SPOCK3: variants seen among roughly 807,000 people sequenced by gnomAD.
The protein encoded by SPOCK3 is SPARC (osteonectin), cwcv and kazal like domains proteoglycan 3, also known as testican-3.
In SPOCK3, 30 loss-of-function variants were observed where a neutral mutation model predicts 56.6. The observed-to-expected ratio is 0.53, with a 90% CI of 0.40 to 0.72. The LOEUF (loss-of-function observed/expected upper bound fraction) is 0.72, where lower values mean the gene tolerates loss of function less well. Ranked by LOEUF, SPOCK3 falls within the 30% of genes least tolerant of loss-of-function variation. The pLI is 0.00. For missense variants in SPOCK3, 527 were observed against 530.0 expected (o/e 0.99, Z 0.06); for synonymous variants, 196 against 183.3 (o/e 1.07, Z -0.56).
chr4:166,990,383 A>G (rs529594212), intron 4 of SPOCK3, among the ~76,000 whole-genome samples: 1 of 120,934 alleles, frequency 8.3e-6, no homozygotes, highest in East Asian at 2.8e-4. Flanking sequence ...TAAAACTTAA[A>G]GTATAATAAA....
At chr4:167,083,365 TA>T in intron 2 of SPOCK3, 2 of 759,374 alleles carry the variant, frequency 2.6e-6, no homozygotes, top group Admixed American at 3.4e-5. Context: ...CTGCAGTGAA[TA>T]ACGAATTCAA....
chr4:166,803,756 A>C (rs1057499122), intron 6 of SPOCK3, among the ~76,000 whole-genome samples: 1 of 152,200 alleles, frequency 6.6e-6, no homozygotes, highest in Non-Finnish European at 1.5e-5. Flanking sequence ...ATGACATTTA[A>C]TAATGCAACC....
intron 6 of SPOCK3, among the ~76,000 whole-genome samples, chr4:166,830,524 C>G (rs1460590812): frequency 6.6e-6 from 1 of 152,148 alleles, no homozygotes; most frequent in Non-Finnish European, 1.5e-5. Flanking sequence ...GCAAGAGGAT[C>G]TCTTGAGGCC....
intron 6 of SPOCK3, among the ~76,000 whole-genome samples, chr4:166,845,729 A>T (rs1030019174): frequency 1.3e-5 from 2 of 152,158 alleles, no homozygotes; most frequent in African/African-American, 4.8e-5. Context: ...TTTTCCCACC[A>T]AGTTATTAAC....
At chr4:167,099,432 T>C (rs1237494240) in intron 2 of SPOCK3, among the ~76,000 whole-genome samples, 1 of 151,978 alleles carries the variant, frequency 6.6e-6, no homozygotes, top group African/African-American at 2.4e-5. Flanking sequence ...TCTTTTCTTG[T>C]TGAAAATTAG....
At chr4:166,829,200 A>G (rs1179699743) in intron 6 of SPOCK3, among the ~76,000 whole-genome samples, 2 of 152,052 alleles carry the variant, frequency 1.3e-5, no homozygotes, top group Non-Finnish European at 2.9e-5. Context: ...TACATAACAT[A>G]TCAGATTAAC....
chr4:167,222,224 A>G (rs1381516710), intron 2 of SPOCK3, among the ~76,000 whole-genome samples: 1 of 152,046 alleles, frequency 6.6e-6, no homozygotes, highest in East Asian at 1.9e-4. Context: ...CTGTTGTTCC[A>G]CCTATATATC....
intron 2 of SPOCK3, among the ~76,000 whole-genome samples, chr4:167,158,721 T>A (rs1765027399): frequency 6.6e-6 from 1 of 151,932 alleles, no homozygotes; most frequent in Non-Finnish European, 1.5e-5. Context: ...GTAGGAGAAA[T>A]AAAATGGGTA....
At chr4:166,750,354 C>A (rs536070953) in intron 8 of SPOCK3, among the ~76,000 whole-genome samples, 1 of 151,976 alleles carries the variant, frequency 6.6e-6, no homozygotes, top group Admixed American at 6.6e-5. Context: ...AGGGTAAGGA[C>A]TAATAGGTCA....
At chr4:166,769,471 G>C (rs531450499) in intron 7 of SPOCK3, among the ~76,000 whole-genome samples, 1 of 152,310 alleles carries the variant, frequency 6.6e-6, no homozygotes, top group South Asian at 2.1e-4. Flanking sequence ...CTGTTTGCCT[G>C]GGTATCAGCA....
intron 3 of SPOCK3, among the ~76,000 whole-genome samples, chr4:167,015,556 G>A (rs1750533898): frequency 6.6e-6 from 1 of 152,124 alleles, no homozygotes; most frequent in African/African-American, 2.4e-5. Context: ...TTTTAGCTAA[G>A]CAAGGTTAAC....
intron 2 of SPOCK3, among the ~76,000 whole-genome samples, chr4:167,151,426 CT>C (rs1181999958): frequency 8.7e-6 from 1 of 114,506 alleles, no homozygotes; most frequent in African/African-American, 3.3e-5. Context: ...TTCCACATTC[CT>C]TTTTTTTCTT....
At chr4:167,022,159 C>T (rs1751248574) in intron 3 of SPOCK3, among the ~76,000 whole-genome samples, 1 of 151,700 alleles carries the variant, frequency 6.6e-6, no homozygotes, top group Non-Finnish European at 1.5e-5. Context: ...CTAGGTTGGG[C>T]GTGGAGCAAA....
chr4:166,943,679 G>C, intron 4 of SPOCK3, among the ~76,000 whole-genome samples: 1 of 152,036 alleles, frequency 6.6e-6, no homozygotes, highest in African/African-American at 2.4e-5. Flanking sequence ...AATGTTTCAG[G>C]GTATTACTTC....
chr4:166,979,202 C>T (rs1746310545), intron 4 of SPOCK3, among the ~76,000 whole-genome samples: 1 of 152,108 alleles, frequency 6.6e-6, no homozygotes, highest in South Asian at 2.1e-4. Context: ...AAAAAGAGCT[C>T]CTCTTCCTAC....
chr4:166,882,272 T>A (rs1427265946), intron 6 of SPOCK3, among the ~76,000 whole-genome samples: 1 of 152,182 alleles, frequency 6.6e-6, no homozygotes, highest in Non-Finnish European at 1.5e-5. Flanking sequence ...GTATTCATCT[T>A]AACATACAGA....
intron 3 of SPOCK3, among the ~76,000 whole-genome samples, chr4:167,026,368 A>G (rs564205145): frequency 6.6e-6 from 1 of 152,220 alleles, no homozygotes; most frequent in Non-Finnish European, 1.5e-5. Flanking sequence ...GGGCATCTTT[A>G]CTAAGAACTA....
chr4:166,982,517 A>C (rs1746700151), intron 4 of SPOCK3, among the ~76,000 whole-genome samples: 1 of 152,202 alleles, frequency 6.6e-6, no homozygotes, highest in Admixed American at 6.5e-5. Flanking sequence ...GCACCACTGC[A>C]TTCCAGCCTG....
At chr4:167,181,252 T>C (rs1731428841) in intron 2 of SPOCK3, among the ~76,000 whole-genome samples, 1 of 152,164 alleles carries the variant, frequency 6.6e-6, no homozygotes, top group Non-Finnish European at 1.5e-5. Flanking sequence ...ATTCTTAAAA[T>C]GCACAGGACA....
Sources: allele counts gnomAD v4.1 joint callset (sites outside exome capture counted in the v4.1 genomes callset), GRCh38; gene constraint gnomAD v4.1.1; transcripts MANE v1.5; gene names NCBI Gene and HGNC (gene_info 2026-07-23, HGNC 2026-07-21).